SYT2: variants seen among roughly 807,000 people sequenced by gnomAD.
The protein encoded by SYT2 is synaptotagmin 2.
A neutral mutation model predicts 39.9 loss-of-function variants in SYT2; 15 were observed. The ratio of observed to expected loss-of-function variants is 0.38; its 90% CI spans 0.25 to 0.58. The LOEUF is 0.58. Ranked by LOEUF, SYT2 falls within the 20% of genes least tolerant of loss-of-function variation. SYT2 has a pLI of 0.70. For synonymous variants in SYT2, 181 were observed against 204.5 expected, an observed-to-expected ratio of 0.89 and a Z score of 0.98; for missense variants, 389 against 530.3, an observed-to-expected ratio of 0.73 and a Z score of 2.62.
chr1:202,616,498 A>G (rs1487643510), intron 1 of SYT2, among the ~76,000 whole-genome samples: 1 of 152,054 alleles, frequency 6.6e-6, no homozygotes, highest in Non-Finnish European at 1.5e-5. Flanking sequence ...ACATACACAT[A>G]TGCACACACA....
intron 1 of SYT2, among the ~76,000 whole-genome samples, chr1:202,641,744 A>T (rs1391669923): frequency 6.6e-6 from 1 of 152,176 alleles, no homozygotes; most frequent in Non-Finnish European, 1.5e-5. Flanking sequence ...CCCTGTCTGG[A>T]GGTAGAGAGC....
At chr1:202,612,635 G>A (rs1343516360) in intron 1 of SYT2, among the ~76,000 whole-genome samples, 1 of 152,170 alleles carries the variant, frequency 6.6e-6, no homozygotes, top group Non-Finnish European at 1.5e-5. Flanking sequence ...CCAAAGTGCT[G>A]GTACTACAGG....
At chr1:202,697,712 T>G (rs560277044) in intron 1 of SYT2, among the ~76,000 whole-genome samples, 14 of 152,358 alleles carry the variant, frequency 9.2e-5, no homozygotes, top group African/African-American at 2.6e-4. Context: ...CAACTATGTG[T>G]GCTGATGAGT....
chr1:202,648,249 C>T (rs377388650), intron 1 of SYT2, among the ~76,000 whole-genome samples: 5 of 151,552 alleles, frequency 3.3e-5, no homozygotes, highest in South Asian at 2.1e-4. Context: ...GGTGTGATCT[C>T]GGCTCACCGC....
In SYT2 at chr1:202,614,626, G is replaced by A. The variant is rs4021897; in HGVS notation, c.-17-8837C>T. On this transcript the variant is annotated intron_variant, in intron 1 of 8. Transcript: ENST00000367268. This position sits in a 1 kb window ranked among gnomAD's most constrained non-coding sequence, Gnocchi z 4.0. ...GGTGAGCATTTATAATGGGGCATAC[G>A]TGAATTAATCTGGGAAAGCAAAAGT... 5.9e-5 allele frequency among the ~76,000 whole-genome samples: 9 copies of A among 152,230 alleles called. No homozygotes were observed. The highest frequency in any genetic ancestry group is 2.1e-4 in the South Asian group (1 of 4,836).
intron 1 of SYT2, among the ~76,000 whole-genome samples, chr1:202,606,656 C>T (rs1457544181): frequency 6.6e-6 from 1 of 152,114 alleles, no homozygotes; most frequent in South Asian, 2.1e-4. Context: ...ACTCTGTGGC[C>T]CCTACTCCAG....
At position 202,595,360 on chromosome 1, in the gene SYT2, C is replaced by G. The variant is rs1299609659; in HGVS notation, c.*1397G>C. On this transcript the variant is annotated 3_prime_UTR_variant, in exon 9 of 9. Transcript: ENST00000367268. ...CATTTGGAATGGATGCCCTTTGTTT[C>G]TTAGCATTCATAGAGAGAAGCCCCC... 1 of 152,262 alleles carries G rather than the reference C, an allele frequency of 6.6e-6. No individual in the cohort carries two copies. The highest frequency in any genetic ancestry group is 2.4e-5 in the African/African-American group (1 of 41,460). The allele number at this position is 152,262 out of a possible 1,614,324, so 9.4% of individuals were successfully genotyped here. A position where few individuals can be genotyped will look rare whatever the true frequency, so the allele number is the denominator to read the frequency against.
intron 1 of SYT2, among the ~76,000 whole-genome samples, chr1:202,664,490 C>T (rs1362886489): frequency 6.6e-6 from 1 of 152,144 alleles, no homozygotes; most frequent in Non-Finnish European, 1.5e-5. Context: ...CAATATACAG[C>T]ACGTTTCCAT....
chr1:202,626,826 CT>C (rs1691431070), intron 1 of SYT2, among the ~76,000 whole-genome samples: 1 of 152,172 alleles, frequency 6.6e-6, no homozygotes, highest in Non-Finnish European at 1.5e-5. Flanking sequence ...CTCTGCAGCC[CT>C]GGGAGATGAG....
intron 1 of SYT2, among the ~76,000 whole-genome samples, chr1:202,650,102 C>A (rs973196991): frequency 6.6e-6 from 1 of 152,218 alleles, no homozygotes; most frequent in East Asian, 1.9e-4. Flanking sequence ...CAGAGGGCCC[C>A]GGAAGAGGAA....
chr1:202,604,818 C>CTTTTTTTTTTTTTTTTTTTTTT (rs59944538), intron 2 of SYT2, among the ~76,000 whole-genome samples, 197 bp from the exon 3 acceptor site: 2 of 71,668 alleles, frequency 2.8e-5, no homozygotes, highest in African/African-American at 1.1e-4. Context: ...TCATGCCTTG[C>CTTTTTTTTTTTTTTTTTTTTTT]TTTTTTTTTT....
chr1:202,627,097 CCAGGAGGG>C (rs1659255496), intron 1 of SYT2, among the ~76,000 whole-genome samples: 1 of 152,200 alleles, frequency 6.6e-6, no homozygotes, highest in African/African-American at 2.4e-5. Context: ...CAGGCTCTGT[CCAGGAGGG>C]CAAGGGTTGC....
intron 1 of SYT2, among the ~76,000 whole-genome samples, chr1:202,644,377 T>C (rs1393650130): frequency 1.3e-5 from 2 of 152,094 alleles, no homozygotes; most frequent in African/African-American, 2.4e-5. Flanking sequence ...ACACCCACGG[T>C]GAGCACCAGG....
In SYT2 at chr1:202,599,695, C is replaced by T. The variant is rs1273698111; in HGVS notation, c.920-344G>A. 6.6e-6 allele frequency among the ~76,000 whole-genome samples: 1 copy of T among 152,142 alleles called. No homozygotes were observed. Among genetic ancestry groups the T allele is most frequent in the East Asian group, 1.9e-4 (1 of 5,172 alleles). On this transcript the variant is annotated intron_variant, in intron 7 of 8. Coordinates refer to ENST00000367268, the MANE Select transcript of SYT2 (RefSeq NM_177402.5). This position sits in a 1 kb window ranked among gnomAD's most constrained non-coding sequence, Gnocchi z 4.4. ...AAGTCAGGACACACATCTGCTGGGT[C>T]ATAATCCCAATCCGATCCCCCTAAT...
chr1:202,673,455 T>C (rs886492544), intron 1 of SYT2, among the ~76,000 whole-genome samples: 6 of 152,218 alleles, frequency 3.9e-5, no homozygotes, highest in African/African-American at 7.2e-5. Flanking sequence ...TCTGTGTCCA[T>C]ACTCTGAAAA....
At chr1:202,627,804 A>G (rs1175808091) in intron 1 of SYT2, among the ~76,000 whole-genome samples, 1 of 152,198 alleles carries the variant, frequency 6.6e-6, no homozygotes, top group Non-Finnish European at 1.5e-5. Flanking sequence ...AGTGCTGGGA[A>G]TACAAGATGA....
chr1:202,688,483 C>T (rs980274560), intron 1 of SYT2, among the ~76,000 whole-genome samples: 8 of 152,232 alleles, frequency 5.3e-5, no homozygotes, highest in African/African-American at 1.9e-4. Context: ...GTCCCCTGGA[C>T]AGCAACCAGG....
intron 2 of SYT2, chr1:202,605,002 C>T (rs572898500): frequency 1.5e-4 from 29 of 188,396 alleles, no homozygotes; most frequent in African/African-American, 6.9e-4. Flanking sequence ...AGTCCTTTGG[C>T]CTCTGCCCCT....
rs775599124 is a variant in SYT2, at chr1:202,602,477, A to G, written c.534T>C (p.Tyr178=). ...ALDMGGTSDP[Y]VKVFLLPDKK... ...TGTCAGGAAGGAGGAAGACCTTGAC[A>G]TAAGGGTCTGAGGTGCCTCCCATGT... Residue 178 remains tyrosine, a synonymous_variant, in exon 5 of 9, where the codon TAT becomes TAC. Transcript: ENST00000367268. 6.8e-6 allele frequency: 11 copies of G among 1,614,150 alleles called. 1 individual carries two copies. In the South Asian group the frequency reaches 1.1e-4, roughly 16 times the overall value.
Sources: gnomAD v4.1 joint callset for allele counts (sites outside exome capture counted in the v4.1 genomes callset) on GRCh38, gnomAD v4.1.1 for gene constraint, Gnocchi (gnomAD v3.1) non-coding constraint, MANE v1.5 for transcripts, NCBI Gene and HGNC (gene_info 2026-07-23, HGNC 2026-07-21) for gene names.